SGO2: variants seen among roughly 807,000 people sequenced by gnomAD.
SGO2 encodes the protein shugoshin-like 2.
A neutral mutation model predicts 99.5 loss-of-function variants in SGO2; 68 were observed. The ratio of observed to expected loss-of-function variants is 0.68; its 90% CI spans 0.56 to 0.84. The LOEUF is 0.84. SGO2 is among the 40% of genes least tolerant of loss of function. The pLI is 0.00. For synonymous variants in SGO2, 457 were observed against 487.1 expected (o/e 0.94, Z 0.81); for missense variants, 1,350 against 1,436.7 (o/e 0.94, Z 0.97).
chr2:200,552,069 C>T (rs142128726), intron 5 of SGO2, among the ~76,000 whole-genome samples: 387 of 152,196 alleles, frequency 2.5e-3, no homozygotes, highest in Non-Finnish European at 4.2e-3. Flanking sequence ...GCAGGGACAA[C>T]GGACATTTTA....
chr2:200,533,547 G>GTATA (rs1553556344), intron 2 of SGO2, among the ~76,000 whole-genome samples: 7 of 142,952 alleles, frequency 4.9e-5, no homozygotes, highest in Admixed American at 7.1e-5. Context: ...GTGTGTGTGT[G>GTATA]TATACATGTG....
At chr2:200,552,699 G>A (rs993968265) in intron 5 of SGO2, among the ~76,000 whole-genome samples, 1 of 152,160 alleles carries the variant, frequency 6.6e-6, no homozygotes, top group African/African-American at 2.4e-5. Context: ...ATAATGAGCA[G>A]TGAGGTAGAC....
chr2:200,532,665 A>AG (rs1309275987), intron 1 of SGO2, among the ~76,000 whole-genome samples: 1 of 152,070 alleles, frequency 6.6e-6, no homozygotes, highest in Non-Finnish European at 1.5e-5. Context: ...TTGTATGAAA[A>AG]CACTGTCTGT....
intron 5 of SGO2, among the ~76,000 whole-genome samples, chr2:200,568,343 C>T (rs2033269983): frequency 6.6e-6 from 1 of 152,110 alleles, no homozygotes. Flanking sequence ...TATTAGATTG[C>T]ACCTGGGTAT....
At chr2:200,550,553 C>T (rs1348315142) in intron 5 of SGO2, among the ~76,000 whole-genome samples, 1 of 152,044 alleles carries the variant, frequency 6.6e-6, no homozygotes, top group African/African-American at 2.4e-5. Context: ...CATTTACAAC[C>T]AACTCATCTT....
At chr2:200,532,284 G>GTTTTTTTTTTTTTTT (rs1380508038) in intron 1 of SGO2, 1 of 151,968 alleles carries the variant, frequency 6.6e-6, no homozygotes, top group African/African-American at 3.6e-5. Context: ...TTTTTTTTTT[G>GTTTTTTTTTTTTTTT]TTTTTTTTTT....
intron 5 of SGO2, among the ~76,000 whole-genome samples, chr2:200,566,992 G>A (rs1031687588): frequency 7.2e-5 from 11 of 152,186 alleles, no homozygotes; most frequent in African/African-American, 2.7e-4. Flanking sequence ...GCTAGGAAAG[G>A]GAATTCCCTG....
intron 5 of SGO2, among the ~76,000 whole-genome samples, chr2:200,564,648 G>A (rs1252144640): frequency 6.6e-6 from 1 of 152,158 alleles, no homozygotes; most frequent in East Asian, 1.9e-4. Context: ...TCTGTCTAAT[G>A]TTGACAGTAG....
At chr2:200,562,240 G>A (rs572198664) in intron 5 of SGO2, among the ~76,000 whole-genome samples, 1 of 152,222 alleles carries the variant, frequency 6.6e-6, no homozygotes, top group South Asian at 2.1e-4. Flanking sequence ...TGTATAAGGT[G>A]TAAGGAGGGG....
At chr2:200,556,033 C>T (rs1225944958) in intron 5 of SGO2, among the ~76,000 whole-genome samples, 1 of 152,114 alleles carries the variant, frequency 6.6e-6, no homozygotes, top group Non-Finnish European at 1.5e-5. Flanking sequence ...GGTGCAATCT[C>T]GGCTCACTAC....
At chr2:200,559,032 A>C (rs2106330723) in intron 5 of SGO2, among the ~76,000 whole-genome samples, 1 of 152,210 alleles carries the variant, frequency 6.6e-6, no homozygotes, top group East Asian at 1.9e-4. Flanking sequence ...CGAACTCCTG[A>C]CCTCAGGTGA....
At chr2:200,583,386 T>C in intron 8 of SGO2, 63 bp from the exon 9 acceptor site, 1 of 1,435,024 alleles carries the variant, frequency 7.0e-7, no homozygotes, top group African/African-American at 1.4e-5. Context: ...TTCTTCTCCA[T>C]GCTTCACAGC....
chr2:200,556,508 T>C (rs1055185797), intron 5 of SGO2, among the ~76,000 whole-genome samples: 1 of 152,032 alleles, frequency 6.6e-6, no homozygotes, highest in Non-Finnish European at 1.5e-5. Context: ...ATCTAGAATC[T>C]CCAAAGGTAG....
At chr2:200,547,444 A>G (rs759070746) in intron 5 of SGO2, among the ~76,000 whole-genome samples, 1 of 152,254 alleles carries the variant, frequency 6.6e-6, no homozygotes, top group Non-Finnish European at 1.5e-5. Flanking sequence ...TTTTTAAGGT[A>G]TAAAACCCAC....
chr2:200,545,506 T>C (rs2032171469), intron 5 of SGO2, among the ~76,000 whole-genome samples: 1 of 152,166 alleles, frequency 6.6e-6, no homozygotes, highest in Non-Finnish European at 1.5e-5. Flanking sequence ...AAAACGGCAG[T>C]GTAAGATAAG....
chr2:200,527,754 T>G (rs898865574), intron 1 of SGO2, among the ~76,000 whole-genome samples: 4 of 152,168 alleles, frequency 2.6e-5, no homozygotes, highest in African/African-American at 9.7e-5. Context: ...AGCAAACAAA[T>G]TTGACAAAAG....
chr2:200,532,341 T>C (rs901907215), intron 1 of SGO2: 10 of 907,074 alleles, frequency 1.1e-5, no homozygotes, highest in Non-Finnish European at 1.3e-5. Flanking sequence ...GGGAAGGAAA[T>C]GGAGGCATGG....
intron 5 of SGO2, among the ~76,000 whole-genome samples, chr2:200,544,692 G>GATCTATCTATCT (rs71022322): frequency 0.021 from 3,092 of 145,740 alleles, 52 homozygotes; most frequent in East Asian, 0.042. Flanking sequence ...TTACTTGGGA[G>GATCTATCTATCT]ATCTATCTAT....
intron 8 of SGO2, among the ~76,000 whole-genome samples, chr2:200,578,183 T>TAGATATAGATATAGATATAG (rs374832694): frequency 1.3e-5 from 2 of 152,068 alleles, no homozygotes; most frequent in Non-Finnish European, 1.5e-5. Context: ...GATATAGATA[T>TAGATATAGATATAGATATAG]ATATCGTGGG....
Sources: allele counts gnomAD v4.1 joint callset (sites outside exome capture counted in the v4.1 genomes callset), GRCh38; gene constraint gnomAD v4.1.1; transcripts MANE v1.5; gene names NCBI Gene and HGNC (gene_info 2026-07-23, HGNC 2026-07-21).